Variants in STN1 observed in about 807,000 individuals in gnomAD.
STN1 encodes the protein CST complex subunit STN1.
Under a neutral mutation model 45.5 loss-of-function variants are expected in STN1, and 29 were observed. The ratio of observed to expected loss-of-function variants is 0.64; its 90% CI spans 0.47 to 0.87. The LOEUF is 0.87. STN1 is among the 40% of genes least tolerant of loss of function. The pLI is 0.00. For synonymous variants in STN1, 148 were observed against 159.0 expected, an observed-to-expected ratio of 0.93 and a Z score of 0.52; for missense variants, 376 against 441.4, an observed-to-expected ratio of 0.85 and a Z score of 1.33.
rs1843051838 is a variant in STN1, at chr10:103,879,320, G to A, written c.*3364C>T. 6.6e-6 allele frequency: 1 copy of A among 152,310 alleles called. No individual in the cohort carries two copies. The highest frequency in any genetic ancestry group is 1.5e-5 in the Non-Finnish European group (1 of 68,134). The allele number at this position is 152,310 out of a possible 1,614,324, so 9.4% of individuals were successfully genotyped here. ...TGGGGGAAAATAATAAACAGGGCAA[G>A]TAAGAAACCATGGAGTGTGTTAGGC... is the stretch of plus-strand genomic sequence containing the variant. On this transcript the variant is annotated 3_prime_UTR_variant, in exon 10 of 10. Transcript: ENST00000224950.
intron 9 of STN1, among the ~76,000 whole-genome samples, chr10:103,883,604 C>T (rs1333914013): frequency 1.3e-5 from 2 of 152,060 alleles, no homozygotes; most frequent in African/African-American, 4.8e-5. Flanking sequence ...ATATTCACCT[C>T]GGAAACTGCT....
At position 103,880,330 on chromosome 10, in the gene STN1, C is replaced by T. The variant is rs1036830829; in HGVS notation, c.*2354G>A. ...AAAGGCAACATTCGATTGGTTAAGG[C>T]GTTATTCAGAAAGAACAATTGGGAA... On this transcript the variant is annotated 3_prime_UTR_variant, in exon 10 of 10. Transcript: ENST00000224950. Among the ~76,000 whole-genome samples, 1 of 152,154 alleles carries T rather than the reference C, an allele frequency of 6.6e-6. No individual in the cohort carries two copies. Among genetic ancestry groups the T allele is most frequent in the East Asian group, 1.9e-4 (1 of 5,180 alleles).
intron 5 of STN1, among the ~76,000 whole-genome samples, chr10:103,899,647 A>G (rs574044718): frequency 6.8e-6 from 1 of 147,448 alleles, no homozygotes; most frequent in Non-Finnish European, 1.5e-5. Flanking sequence ...TGACTGTGCC[A>G]CTGCATTCCA....
In STN1 at chr10:103,897,566, G is replaced by A. The variant is rs1843178901; in HGVS notation, c.735C>T (p.His245=). 6.2e-7 allele frequency: 1 copy of A among 1,614,116 alleles called. No individual in the cohort carries two copies. The highest frequency in any genetic ancestry group is 1.3e-5 in the African/African-American group (1 of 75,032). ...LLSLANQPVI[H]SASSDQVNFK... ...CACTCACTTGGTCGGAGGAGGCACT[G>A]TGAATCACAGGCTGATTGGCAAGGG... The change falls in exon 7 of 10, where the codon CAC becomes CAT. Residue 245 remains histidine, a synonymous_variant. Coordinates refer to ENST00000224950, the MANE Select transcript of STN1 (RefSeq NM_024928.5).
chr10:103,895,714 T>C (rs1183345472), intron 7 of STN1, among the ~76,000 whole-genome samples: 1 of 152,212 alleles, frequency 6.6e-6, no homozygotes, highest in Non-Finnish European at 1.5e-5. Flanking sequence ...GCAGTGGTCA[T>C]GCCCAGGAAG....
At chr10:103,906,490 C>T (rs1350547566) in intron 3 of STN1, among the ~76,000 whole-genome samples, 2 of 151,938 alleles carry the variant, frequency 1.3e-5, no homozygotes, top group African/African-American at 4.8e-5. Flanking sequence ...GACCCCGTCT[C>T]TACCAAAAAA....
At chr10:103,884,122 C>G (rs1461256362) in intron 9 of STN1, among the ~76,000 whole-genome samples, 1 of 138,892 alleles carries the variant, frequency 7.2e-6, no homozygotes, top group Non-Finnish European at 1.5e-5. Flanking sequence ...AAAAAATCCA[C>G]TTATCACTGC....
Position 103,909,426 on chromosome 10 carries a change from A to ATATATG in STN1, c.229+1100_229+1101insCATATA, listed in dbSNP as rs1564635026. On this transcript the variant is annotated intron_variant, in intron 3 of 9. Transcript: ENST00000224950. ...TATATATGTATATATGTATATATGT[A>ATATATG]TATATATGTATATATATGTATATAT... Among the ~76,000 whole-genome samples, 12 of 57,058 alleles carry ATATATG rather than the reference A, an allele frequency of 2.1e-4. 1 individual carries two copies. Among genetic ancestry groups the ATATATG allele is most frequent in the Admixed American group, 9.0e-4 (4 of 4,440 alleles). The allele number at this position is 57,058 out of a possible 152,430, so 37.4% of individuals were successfully genotyped here. A position where few individuals can be genotyped will look rare whatever the true frequency, so the allele number is the denominator to read the frequency against.
intron 3 of STN1, among the ~76,000 whole-genome samples, chr10:103,909,494 GTGTATA>G (rs1214481807): frequency 2.0e-5 from 1 of 50,086 alleles, no homozygotes; most frequent in Admixed American, 2.7e-4. Flanking sequence ...ATATGTGTGT[GTGTATA>G]TGTATATATG....
intron 1 of STN1, 104 bp downstream of exon 1, chr10:103,917,996 T>G: frequency 5.7e-6 from 1 of 176,180 alleles, no homozygotes; most frequent in Non-Finnish European, 1.2e-5. Flanking sequence ...CCTGCACGTG[T>G]TGGGGCATAG....
At chr10:103,910,985 A>G (rs1392861246) in intron 2 of STN1, among the ~76,000 whole-genome samples, 1 of 148,722 alleles carries the variant, frequency 6.7e-6, no homozygotes, top group Non-Finnish European at 1.5e-5. Flanking sequence ...AAGGAAAGAG[A>G]GAGGAAACCA....
At chr10:103,895,581 C>T (rs1843165879) in intron 7 of STN1, among the ~76,000 whole-genome samples, 1 of 152,214 alleles carries the variant, frequency 6.6e-6, no homozygotes, top group Admixed American at 6.5e-5. Flanking sequence ...CCAGTCGTGA[C>T]CCTTTCCACT....
intron 1 of STN1, among the ~76,000 whole-genome samples, 188 bp downstream of exon 1, chr10:103,917,912 C>G (rs902771488): frequency 4.6e-5 from 7 of 152,228 alleles, no homozygotes; most frequent in Admixed American, 4.6e-4. Context: ...TCAACTTTCA[C>G]TCTGGGAAGA....
At chr10:103,907,558 T>A (rs1348961539) in intron 3 of STN1, among the ~76,000 whole-genome samples, 1 of 152,198 alleles carries the variant, frequency 6.6e-6, no homozygotes, top group Non-Finnish European at 1.5e-5. Context: ...CATTTCTATA[T>A]TTCTTTGATA....
rs764897283 is a variant in STN1, at chr10:103,897,557, G to A, written c.744C>T (p.Ser248=). The A allele has an allele frequency of 3.7e-6, 6 of 1,614,004 alleles. No individual in the cohort carries two copies. Among genetic ancestry groups the A allele is most frequent in the Non-Finnish European group, 5.1e-6 (6 of 1,179,910 alleles). ...LANQPVIHSA[S]SDQVNFKKDT... Reference sequence around the variant, plus strand: ...GGCATGCTGCACTCACTTGGTCGGAGGAGGCACTGTGAATCACAGGCTGAT... The same window carrying A: ...GGCATGCTGCACTCACTTGGTCGGAAGAGGCACTGTGAATCACAGGCTGAT... The change falls in exon 7 of 10, where the codon TCC becomes TCT. Residue 248 remains serine (S), a synonymous_variant. Coordinates refer to ENST00000224950, the MANE Select transcript of STN1 (RefSeq NM_024928.5).
At chr10:103,900,750 T>C (rs948527565) in intron 4 of STN1, among the ~76,000 whole-genome samples, 2 of 136,962 alleles carry the variant, frequency 1.5e-5, no homozygotes, top group African/African-American at 5.1e-5. Flanking sequence ...TCTCTCACAC[T>C]TTCTCCACTT....
At chr10:103,909,434 GTATATATATGTATATA>G (rs1843270175) in intron 3 of STN1, among the ~76,000 whole-genome samples, 1 of 56,886 alleles carries the variant, frequency 1.8e-5, no homozygotes. Context: ...GTATATATAT[GTATATATATGTATATA>G]TGTATATATG....
At chr10:103,912,584 C>T (rs1843299035) in intron 2 of STN1, among the ~76,000 whole-genome samples, 1 of 152,148 alleles carries the variant, frequency 6.6e-6, no homozygotes, top group African/African-American at 2.4e-5. Flanking sequence ...CCAGGGATGC[C>T]CTCTACTGCC....
At chr10:103,906,956 G>A (rs1843245333) in intron 3 of STN1, among the ~76,000 whole-genome samples, 1 of 152,176 alleles carries the variant, frequency 6.6e-6, no homozygotes, top group African/African-American at 2.4e-5. Context: ...TTTGTAAACA[G>A]GCATCGGATT....
Sources: gnomAD v4.1 joint callset for allele counts (sites outside exome capture counted in the v4.1 genomes callset) on GRCh38, gnomAD v4.1.1 for gene constraint, MANE v1.5 for transcripts, NCBI Gene and HGNC (gene_info 2026-07-23, HGNC 2026-07-21) for gene names.